QKI: variants seen among roughly 807,000 people sequenced by gnomAD.
QKI encodes QKI, KH domain containing RNA binding, also known as KH domain-containing RNA-binding protein QKI.
Under a neutral mutation model 39.0 loss-of-function variants are expected in QKI, and 10 were observed. That is an observed-to-expected ratio of 0.26 (90% CI 0.16 to 0.43). The LOEUF is 0.43. Ranked by LOEUF, QKI falls within the 20% of genes least tolerant of loss-of-function variation. QKI has a pLI of 1.00. For missense variants in QKI, 218 were observed against 428.0 expected, an observed-to-expected ratio of 0.51 and a Z score of 4.33; for synonymous variants, 204 against 155.4, an observed-to-expected ratio of 1.31 and a Z score of -2.33.
At chr6:163,500,275 A>G (rs759575157) in intron 3 of QKI, among the ~76,000 whole-genome samples, 6 of 152,176 alleles carry the variant, frequency 3.9e-5, no homozygotes, top group Non-Finnish European at 7.3e-5. Flanking sequence ...GTCTTTAGCA[A>G]TTAGAGACAT....
At chr6:163,514,808 G>A (rs967910042) in intron 3 of QKI, among the ~76,000 whole-genome samples, 2 of 152,212 alleles carry the variant, frequency 1.3e-5, no homozygotes, top group African/African-American at 4.8e-5. Flanking sequence ...ACCACTAGAA[G>A]AAAACATAGG....
chr6:163,439,980 G>A (rs1789643227), intron 1 of QKI, among the ~76,000 whole-genome samples: 1 of 152,142 alleles, frequency 6.6e-6, no homozygotes, highest in African/African-American at 2.4e-5. Context: ...TCATGGATGA[G>A]TAAATATGGA....
At chr6:163,529,258 A>C (rs2128239695) in intron 3 of QKI, among the ~76,000 whole-genome samples, 1 of 152,360 alleles carries the variant, frequency 6.6e-6, no homozygotes, top group Non-Finnish European at 1.5e-5. Context: ...AAACAGGCAC[A>C]GTAATCATTA....
chr6:163,495,808 A>G (rs1285115651), intron 3 of QKI, among the ~76,000 whole-genome samples: 1 of 152,154 alleles, frequency 6.6e-6, no homozygotes, highest in Non-Finnish European at 1.5e-5. Context: ...TGTTTTAAAA[A>G]GTGATGTTGT....
At chr6:163,538,770 G>GC (rs1340556207) in intron 4 of QKI, among the ~76,000 whole-genome samples, 1 of 152,158 alleles carries the variant, frequency 6.6e-6, no homozygotes, top group Admixed American at 6.5e-5. Flanking sequence ...TGTTGAAGGT[G>GC]CTGAGAAGTA....
At chr6:163,546,644 T>G (rs954641531) in intron 4 of QKI, among the ~76,000 whole-genome samples, 2 of 152,064 alleles carry the variant, frequency 1.3e-5, no homozygotes, top group African/African-American at 4.8e-5. Flanking sequence ...TTGATATTTA[T>G]AAGTAAAATT....
chr6:163,458,152 T>A (rs1458434719), intron 2 of QKI, among the ~76,000 whole-genome samples: 1 of 152,150 alleles, frequency 6.6e-6, no homozygotes, highest in East Asian at 1.9e-4. Flanking sequence ...GATTCAGACT[T>A]CTAGCTAGTT....
intron 2 of QKI, among the ~76,000 whole-genome samples, chr6:163,468,500 A>G (rs941497289): frequency 2.0e-5 from 3 of 152,210 alleles, no homozygotes; most frequent in Admixed American, 6.5e-5. Context: ...AGGGTTTTCT[A>G]TAATGCTTTA....
At chr6:163,548,976 A>G (rs1240825999) in intron 4 of QKI, among the ~76,000 whole-genome samples, 2 of 152,192 alleles carry the variant, frequency 1.3e-5, no homozygotes, top group African/African-American at 2.4e-5. Flanking sequence ...TGACTTGTAT[A>G]ACTGGATGGA....
chr6:163,515,641 T>G (rs1779745767), intron 3 of QKI, among the ~76,000 whole-genome samples: 1 of 152,156 alleles, frequency 6.6e-6, no homozygotes, highest in Non-Finnish European at 1.5e-5. Context: ...TATATTTGAT[T>G]AGTGATAAAA....
intron 3 of QKI, among the ~76,000 whole-genome samples, chr6:163,507,946 A>G (rs1779203007): frequency 6.6e-6 from 1 of 152,206 alleles, no homozygotes; most frequent in African/African-American, 2.4e-5. Context: ...CAAAATACAG[A>G]AAGACAGTTC....
At chr6:163,427,243 C>CTTTT (rs11375326) in intron 1 of QKI, among the ~76,000 whole-genome samples, 659 of 85,682 alleles carry the variant, frequency 7.7e-3, no homozygotes, top group East Asian at 0.012. Flanking sequence ...ATACTCGTAC[C>CTTTT]TTTTTTTTTT....
At chr6:163,570,137 C>A in intron 7 of QKI, 2 of 985,816 alleles carry the variant, frequency 2.0e-6, no homozygotes. Context: ...ATTTATTGAA[C>A]AAAAGAAACC....
intron 3 of QKI, among the ~76,000 whole-genome samples, chr6:163,521,877 G>A (rs1344299070): frequency 6.6e-6 from 1 of 152,040 alleles, no homozygotes; most frequent in Non-Finnish European, 1.5e-5. Context: ...TTTTACTCTG[G>A]CTTTGATTTT....
chr6:163,540,272 G>A lies in QKI; in HGVS notation c.546+5147G>A, dbSNP rs574653204. ...GGGAGTAGGGAGGGGCAGACTTTTT[G>A]CTTAATATAAACTTTCATAAGGAAA... On this transcript the variant is annotated intron_variant, in intron 4 of 7. Transcript: ENST00000361752. Among the ~76,000 whole-genome samples the A allele has an allele frequency of 6.6e-5, 10 of 152,034 alleles. No homozygotes were observed. The South Asian group carries it at 2.1e-3, about 32-fold the overall frequency.
At chr6:163,570,250 A>C in intron 7 of QKI, 6 of 982,496 alleles carry the variant, frequency 6.1e-6, no homozygotes, top group Non-Finnish European at 7.3e-6. Flanking sequence ...CACATCCATC[A>C]TTAATAGTTG....
At chr6:163,517,563 G>A (rs1211593602) in intron 3 of QKI, among the ~76,000 whole-genome samples, 3 of 152,064 alleles carry the variant, frequency 2.0e-5, no homozygotes, top group African/African-American at 7.2e-5. Context: ...GATTATAGGC[G>A]AGCACCACCA....
At chr6:163,565,378 C>T in intron 6 of QKI, 1 of 986,264 alleles carries the variant, frequency 1.0e-6, no homozygotes, top group Non-Finnish European at 1.2e-6. Context: ...TGTTCCAGCA[C>T]TTTCAGCGCA....
chr6:163,495,243 A>G (rs754354317), intron 3 of QKI, among the ~76,000 whole-genome samples: 2 of 152,180 alleles, frequency 1.3e-5, no homozygotes, highest in Admixed American at 6.5e-5. Flanking sequence ...ACAGAAACAC[A>G]TATAAAACTG....
Sources: gnomAD v4.1 joint callset for allele counts (sites outside exome capture counted in the v4.1 genomes callset) on GRCh38, gnomAD v4.1.1 for gene constraint, MANE v1.5 for transcripts, NCBI Gene and HGNC (gene_info 2026-07-23, HGNC 2026-07-21) for gene names.